The following SULF1 variants were observed in gnomAD, a reference collection of about 807,000 sequenced individuals.
The protein encoded by SULF1 is extracellular sulfatase Sulf-1.
A neutral mutation model predicts 110.5 loss-of-function variants in SULF1; 46 were observed. The observed-to-expected ratio is 0.42, with a 90% CI of 0.33 to 0.53. The LOEUF (loss-of-function observed/expected upper bound fraction) is 0.53. Ranked by LOEUF, SULF1 falls within the 20% of genes least tolerant of loss-of-function variation. The probability of loss-of-function intolerance (pLI) is 0.12; values close to 1 mark genes in which losing one functional copy is unlikely to be tolerated. For missense variants in SULF1, 941 were observed against 1,094.2 expected, an observed-to-expected ratio of 0.86 and a Z score of 1.98; for synonymous variants, 371 against 387.1, an observed-to-expected ratio of 0.96 and a Z score of 0.49.
At chr8:69,555,300 C>A (rs1444230408) in intron 3 of SULF1, among the ~76,000 whole-genome samples, 1 of 152,164 alleles carries the variant, frequency 6.6e-6, no homozygotes, top group African/African-American at 2.4e-5. Context: ...CCCCACTCTG[C>A]TGTGTTTAGC....
At chr8:69,627,422 A>G in intron 16 of SULF1, 116 bp downstream of exon 16, 1 of 650,188 alleles carries the variant, frequency 1.5e-6, no homozygotes, top group Non-Finnish European at 2.5e-6. Flanking sequence ...TATGTGAAAA[A>G]ATACAAAAAA....
At chr8:69,495,422 T>C (rs902519899) in intron 1 of SULF1, among the ~76,000 whole-genome samples, 1 of 152,122 alleles carries the variant, frequency 6.6e-6, no homozygotes. Context: ...GATTTTTGTC[T>C]TTGAAATTTT....
chr8:69,629,260 G>A (rs1470416580), intron 18 of SULF1, among the ~76,000 whole-genome samples: 5 of 152,062 alleles, frequency 3.3e-5, no homozygotes, highest in South Asian at 4.1e-4. Flanking sequence ...TCTCAAACTC[G>A]TGACCTCAAG....
At chr8:69,556,490 A>G (rs1374287188) in intron 3 of SULF1, among the ~76,000 whole-genome samples, 1 of 152,140 alleles carries the variant, frequency 6.6e-6, no homozygotes. Flanking sequence ...CTGCCATTCT[A>G]TGTGTGACTT....
upstream of SULF1, among the ~76,000 whole-genome samples, chr8:69,489,516 A>AG (rs761161186): frequency 6.8e-5 from 10 of 147,334 alleles, no homozygotes; most frequent in Non-Finnish European, 1.5e-4. Context: ...AAAAAAAAAA[A>AG]TAAGTCTAGC....
intron 3 of SULF1, among the ~76,000 whole-genome samples, chr8:69,541,575 A>G (rs1164863269): frequency 1.3e-5 from 2 of 152,276 alleles, no homozygotes; most frequent in Non-Finnish European, 2.9e-5. Context: ...TGCTTCTAAC[A>G]GTGACATTTT....
At chr8:69,557,002 A>G (rs1379039126) in intron 3 of SULF1, among the ~76,000 whole-genome samples, 1 of 152,066 alleles carries the variant, frequency 6.6e-6, no homozygotes, top group Non-Finnish European at 1.5e-5. Flanking sequence ...CCTCCCACTT[A>G]TAAGTGAGAA....
At chr8:69,589,705 G>C (rs888319148) in intron 8 of SULF1, among the ~76,000 whole-genome samples, 6 of 152,116 alleles carry the variant, frequency 3.9e-5, no homozygotes, top group Non-Finnish European at 5.9e-5. Flanking sequence ...CTTGGAGATG[G>C]GGGGTGGGAA....
chr8:69,649,365 G>A (rs576518928), intron 22 of SULF1, among the ~76,000 whole-genome samples: 10 of 151,938 alleles, frequency 6.6e-5, no homozygotes, highest in African/African-American at 1.7e-4. Context: ...AGGTATTTCC[G>A]TAGAACAAAA....
chr8:69,651,472 A>G (rs78883619), intron 22 of SULF1, among the ~76,000 whole-genome samples: 7,446 of 152,280 alleles, frequency 0.049, 638 homozygotes, highest in African/African-American at 0.17. Context: ...GAGTTTCTCT[A>G]TTAAATAAGA....
intron 3 of SULF1, among the ~76,000 whole-genome samples, chr8:69,548,204 T>C (rs762185060): frequency 6.6e-6 from 1 of 152,206 alleles, no homozygotes; most frequent in East Asian, 1.9e-4. Context: ...TGTATTATTA[T>C]AGAAGGGAGA....
At chr8:69,612,476 A>G (rs1349034554) in intron 13 of SULF1, among the ~76,000 whole-genome samples, 7 of 151,998 alleles carry the variant, frequency 4.6e-5, no homozygotes, top group African/African-American at 1.4e-4. Flanking sequence ...CCAGCAGTGC[A>G]AAAGTGTTCC....
At chr8:69,468,031 T>A (rs1294379596) in intron 1 of SULF1, among the ~76,000 whole-genome samples, 1 of 152,220 alleles carries the variant, frequency 6.6e-6, no homozygotes, top group Non-Finnish European at 1.5e-5. Context: ...TTCACAGGGA[T>A]CAAAACATAA....
Position 69,589,154 on chromosome 8 carries a change from C to G in SULF1, c.734+13C>G. ...CTTCCCAACACATGTAAGTAACAAA[C>G]TCAACTCTGCGACCTGCCGAACATG... On this transcript the variant is annotated intron_variant, in intron 8 of 22. Transcript: ENST00000402687. 6.2e-7 allele frequency: 1 copy of G among 1,609,372 alleles called. No individual in the cohort carries two copies. The highest frequency in any genetic ancestry group is 8.5e-7 in the Non-Finnish European group (1 of 1,176,456).
chr8:69,479,108 C>G (rs1297092547), intron 1 of SULF1, among the ~76,000 whole-genome samples: 1 of 152,172 alleles, frequency 6.6e-6, no homozygotes, highest in African/African-American at 2.4e-5. Flanking sequence ...TGGATTCCAT[C>G]CAGAAACAGA....
intron 7 of SULF1, among the ~76,000 whole-genome samples, 168 bp from the exon 8 acceptor site, chr8:69,588,804 C>T (rs1473354139): frequency 6.6e-6 from 1 of 152,152 alleles, no homozygotes; most frequent in African/African-American, 2.4e-5. Context: ...AGCTGATTTT[C>T]TCTATTATCG....
rs777238964 is a variant in SULF1 at position 69,621,222 on chromosome 8, G to A, written c.1565G>A (p.Arg522Gln). 2.4e-5 allele frequency: 38 copies of A among 1,613,698 alleles called. No individual in the cohort carries two copies. Among genetic ancestry groups the A allele is most frequent in the South Asian group, 3.3e-5 (3 of 91,022 alleles). Residue 522 changes from arginine (R) to glutamine (Q), a missense_variant, in exon 14 of 23, where the codon CGG (arginine) becomes CAG (glutamine). This residue lies in a region of SULF1 where 822 missense variants were observed against 934.3 expected (regional missense o/e 0.88). Coordinates refer to ENST00000402687, the MANE Select transcript of SULF1 (RefSeq NM_001128205.2). ...AGCAGAAGCCAAAGAAAGAGTCAAC[G>A]GCAATTCTTGAGAAACCAGGGGACT... ...RASRSQRKSQ[R>Q]QFLRNQGTPK...
In SULF1 at chr8:69,562,372, G is replaced by T. The variant is rs549965579; in HGVS notation, c.-133-1167G>T. ...ATGGAGCCCTTTCCTCCTGCTATGC[G>T]ATGCTTACACTTAATTAGTTATGCC... is the stretch of plus-strand genomic sequence containing the variant. On this transcript the variant is annotated intron_variant, in intron 3 of 22. Transcript: ENST00000402687. Among the ~76,000 whole-genome samples, 3 of 152,284 alleles carry T rather than the reference G, an allele frequency of 2.0e-5. No homozygotes were observed. The East Asian group carries it at 5.8e-4, about 29-fold the overall frequency.
intron 13 of SULF1, among the ~76,000 whole-genome samples, chr8:69,611,840 AT>A (rs896887926): frequency 6.6e-6 from 1 of 152,072 alleles, no homozygotes; most frequent in Non-Finnish European, 1.5e-5. Flanking sequence ...GTTGTACACA[AT>A]TTTTTTAATT....
Sources: allele counts gnomAD v4.1 joint callset (sites outside exome capture counted in the v4.1 genomes callset), GRCh38; gene constraint gnomAD v4.1.1; regional missense constraint gnomAD v4.1.1; transcripts MANE v1.5; gene names NCBI Gene and HGNC (gene_info 2026-07-23, HGNC 2026-07-21).